Variants in TRDMT1 observed in about 807,000 individuals in gnomAD.
The protein encoded by TRDMT1 is tRNA (cytosine(38)-C(5))-methyltransferase.
In TRDMT1, 49 loss-of-function variants were observed where a neutral mutation model predicts 51.2. The ratio of observed to expected loss-of-function variants is 0.96; its 90% CI spans 0.76 to 1.21. The LOEUF (loss-of-function observed/expected upper bound fraction) is 1.21, where lower values mean the gene tolerates loss of function less well. TRDMT1 is among the 50% of genes most tolerant of loss of function. The probability of loss-of-function intolerance (pLI) is 0.00; values close to 1 mark genes in which losing one functional copy is unlikely to be tolerated. For synonymous variants in TRDMT1, 187 were observed against 164.6 expected, an observed-to-expected ratio of 1.14 and a Z score of -1.04; for missense variants, 534 against 462.3, an observed-to-expected ratio of 1.16 and a Z score of -1.42.
At chr10:17,181,079 TCACTGTGGCAATG>T (rs59006868) in intron 1 of TRDMT1, among the ~76,000 whole-genome samples, 20,770 of 152,112 alleles carry the variant, frequency 0.14, 1,502 homozygotes, top group Admixed American at 0.17. Flanking sequence ...TCAAATTTAT[TCACTGTGGCAATG>T]CACCCTGCTA....
rs1838260892 is a variant in TRDMT1 at position 17,147,876 on chromosome 10, T to C, written c.*1164A>G. The C allele has an allele frequency of 5.8e-6, 3 of 517,770 alleles. No individual in the cohort carries two copies. The highest frequency in any genetic ancestry group is 1.0e-3 in the Middle Eastern group (1 of 990). 32.1% of individuals were successfully genotyped at this position (517,770 alleles called of 1,614,324 possible). A position where few individuals can be genotyped will look rare whatever the true frequency, so the allele number is the denominator to read the frequency against. On this transcript the variant is annotated 3_prime_UTR_variant, in exon 11 of 11. Coordinates refer to ENST00000377799, the MANE Select transcript of TRDMT1 (RefSeq NM_004412.7). ...TAGGGTAATTCTATGTTGAATTTTG[T>C]GACGAACCTCCATAGCGTTTTCCAA...
At chr10:17,170,836 T>A (rs1841884386) in intron 2 of TRDMT1, among the ~76,000 whole-genome samples, 1 of 147,242 alleles carries the variant, frequency 6.8e-6, no homozygotes, top group African/African-American at 2.5e-5. Flanking sequence ...GTATATTGTA[T>A]GCTGTAGGTT....
chr10:17,174,759 T>C (rs2131520704), intron 1 of TRDMT1, 99 bp from the exon 2 acceptor site: 1 of 933,252 alleles, frequency 1.1e-6, no homozygotes, highest in Non-Finnish European at 1.7e-6. Context: ...TCCTTATTTC[T>C]TCATTTATTA....
intron 1 of TRDMT1, 93 bp from the exon 2 acceptor site, chr10:17,174,753 T>C (rs1267991090): frequency 1.0e-6 from 1 of 976,536 alleles, no homozygotes; most frequent in East Asian, 2.5e-5. Flanking sequence ...TCCATTTCCT[T>C]ATTTCTTCAT....
chr10:17,149,019 T>C lies in TRDMT1; in HGVS notation c.*21A>G. 1.3e-6 allele frequency: 2 copies of C among 1,583,092 alleles called. No individual in the cohort carries two copies. Among genetic ancestry groups the C allele is most frequent in the African/African-American group, 2.7e-5 (2 of 73,872 alleles). On this transcript the variant is annotated 3_prime_UTR_variant, in exon 11 of 11. Coordinates refer to ENST00000377799, the MANE Select transcript of TRDMT1 (RefSeq NM_004412.7). ...AAAATGAAGGAATATCATATGACCATCTTTCAGAGTTATTTCAAAATTATT... is the reference window on the plus strand; with the variant it reads ...AAAATGAAGGAATATCATATGACCACCTTTCAGAGTTATTTCAAAATTATT...
At chr10:17,196,474 G>C (rs1024490427) in intron 1 of TRDMT1, among the ~76,000 whole-genome samples, 1 of 152,168 alleles carries the variant, frequency 6.6e-6, no homozygotes, top group African/African-American at 2.4e-5. Flanking sequence ...GACCTTGCAG[G>C]CTCCACTGAT....
Position 17,143,539 on chromosome 10 carries a change from G to C in TRDMT1, c.*5501C>G. The C allele has an allele frequency of 3.0e-6, 3 of 985,374 alleles. No homozygotes were observed. The highest frequency in any genetic ancestry group is 3.6e-6 in the Non-Finnish European group (3 of 829,894). 61.0% of individuals were successfully genotyped at this position (985,374 alleles called of 1,614,324 possible). A position where few individuals can be genotyped will look rare whatever the true frequency, so the allele number is the denominator to read the frequency against. On this transcript the variant is annotated 3_prime_UTR_variant, in exon 11 of 11. Transcript: ENST00000377799. The stretch of plus-strand genomic sequence containing the variant: ...TGGACTTGTGTAAGGAACCAGCTAA[G>C]TGAGTAAAATAGCAAATATTTTAGT...
chr10:17,157,694 G>C lies in TRDMT1; in HGVS notation c.634C>G (p.Pro212Ala), dbSNP rs1382242856. 1 of 1,612,486 alleles carries C rather than the reference G, an allele frequency of 6.2e-7. No individual in the cohort carries two copies. The highest frequency in any genetic ancestry group is 8.5e-7 in the Non-Finnish European group (1 of 1,179,324). ...ENKIQEKNVE[P>A]NISFDGSIQC... ...ATGCTGCCATCAAAGCTAATATTTG[G>C]TTCAACGTTCTTTTCTTGAATTTTA... Residue 212 changes from proline to alanine, a missense_variant, in exon 8 of 11, where the codon CCA becomes GCA. Physicochemically the swap from Pro to Ala is conservative, Grantham distance 27 (BLOSUM62 -1). Coordinates refer to ENST00000377799, the MANE Select transcript of TRDMT1 (RefSeq NM_004412.7).
rs200539562 is a variant in TRDMT1, at chr10:17,149,110, C to T, written c.1106G>A (p.Arg369His). ...GFPEKITVKQ[R>H]YRLLGNSLNV... ...GAGACTATTTCCAAGTAGGCGATAA[C>T]GCTGTTTCACTGTTATCTTCTCAGG... The change falls in exon 11 of 11, where the codon CGT (arginine) becomes CAT (histidine). Residue 369 changes from arginine to histidine, a missense_variant. Coordinates refer to ENST00000377799, the MANE Select transcript of TRDMT1 (RefSeq NM_004412.7). 103 of 1,611,104 alleles carry T rather than the reference C, an allele frequency of 6.4e-5. No homozygotes were observed. Among genetic ancestry groups the T allele is most frequent in the Middle Eastern group, 1.8e-4 (1 of 5,460 alleles).
At chr10:17,151,499 G>T in intron 10 of TRDMT1, 5 of 981,990 alleles carry the variant, frequency 5.1e-6, no homozygotes, top group African/African-American at 1.7e-5. Flanking sequence ...TGGACCCAGG[G>T]TCAATAATGT....
At chr10:17,179,400 G>T (rs909779599) in intron 1 of TRDMT1, among the ~76,000 whole-genome samples, 1 of 152,024 alleles carries the variant, frequency 6.6e-6, no homozygotes, top group Non-Finnish European at 1.5e-5. Flanking sequence ...CAATTTCCAA[G>T]GGCATAAACT....
Position 17,160,364 on chromosome 10 carries a change from TC to T in TRDMT1, c.399del (p.Ile134TyrfsTer4). 6.5e-7 allele frequency: 1 copy of T among 1,542,950 alleles called. No homozygotes were observed. The highest frequency in any genetic ancestry group is 8.7e-7 in the Non-Finnish European group (1 of 1,144,638). On this transcript the variant is annotated frameshift_variant, in exon 6 of 11. Transcript: ENST00000377799. LOFTEE classifies it high-confidence loss of function. The part of the protein sequence containing the change: ...GFEVSSTRDL[L>X]IQTIENCGFQ... Reference sequence around the variant, plus strand: ...AAGCCACAATTTTCTATTGTTTGTATCAAGAGGTCTCTAAAAAGAAAAAAAA... The same window carrying T: ...AAGCCACAATTTTCTATTGTTTGTATAAGAGGTCTCTAAAAAGAAAAAAAA...
chr10:17,198,052 A>C (rs1030643652), intron 1 of TRDMT1, among the ~76,000 whole-genome samples: 10 of 152,146 alleles, frequency 6.6e-5, no homozygotes, highest in African/African-American at 2.4e-4. Context: ...AAAAGAAAGA[A>C]AAAGAAAAGA....
rs1183621806 is a variant in TRDMT1 at position 17,138,504 on chromosome 10, C to T, written c.*10536G>A. Reference sequence around the variant, plus strand: ...TCTTTTGCTCATTTCATGGGAAGTGCATTACCATGTAGGAAATTACCAAGT... The same window carrying T: ...TCTTTTGCTCATTTCATGGGAAGTGTATTACCATGTAGGAAATTACCAAGT... On this transcript the variant is annotated 3_prime_UTR_variant, in exon 11 of 11. Transcript: ENST00000377799. 6.6e-6 allele frequency among the ~76,000 whole-genome samples: 1 copy of T among 152,178 alleles called. No individual in the cohort carries two copies.
chr10:17,153,169 T>A (rs1838999638), intron 10 of TRDMT1: 1 of 410,440 alleles, frequency 2.4e-6, no homozygotes, highest in South Asian at 7.9e-5. Context: ...GTGGGGTGAT[T>A]AGGAGAGGAC....
In TRDMT1 at chr10:17,142,275, A is replaced by T. The variant is rs993396275; in HGVS notation, c.*6765T>A. On this transcript the variant is annotated 3_prime_UTR_variant, in exon 11 of 11. Transcript: ENST00000377799. ...ATTATTTTAATCTTTTATTTTTAGT[A>T]GGCAGTCACTCCATTTGTGTTTAGC... is the stretch of plus-strand genomic sequence containing the variant. The T allele has an allele frequency of 1.3e-5, 2 of 152,138 alleles. No individual in the cohort carries two copies. The highest frequency in any genetic ancestry group is 4.8e-5 in the African/African-American group (2 of 41,428). The allele number at this position is 152,138 out of a possible 1,614,324, so 9.4% of individuals were successfully genotyped here.
chr10:17,157,478 G>C lies in TRDMT1; in HGVS notation c.850C>G (p.Gln284Glu). ...LRYALLLDIV[Q>E]PTCRRSVCFT... The stretch of plus-strand genomic sequence containing the variant: ...CACACGGACCTTCTACAAGTGGGCT[G>C]AACAATGTCTAACAGAAGAGCATAT... Residue 284 changes from glutamine to glutamate, a missense_variant, in exon 8 of 11, where the codon CAG (glutamine) becomes GAG (glutamate). Gln to Glu is a conservative substitution (Grantham distance 29). Transcript: ENST00000377799. 1 of 1,613,252 alleles carries C rather than the reference G, an allele frequency of 6.2e-7. No homozygotes were observed. The highest frequency in any genetic ancestry group is 8.5e-7 in the Non-Finnish European group (1 of 1,179,258).
chr10:17,157,969 T>C (rs1278912216), intron 7 of TRDMT1, among the ~76,000 whole-genome samples, 185 bp from the exon 8 acceptor site: 1 of 152,188 alleles, frequency 6.6e-6, no homozygotes, highest in African/African-American at 2.4e-5. Flanking sequence ...TATAGCTATA[T>C]TGTCATCAGG....
chr10:17,151,757 T>C (rs1382209970), intron 10 of TRDMT1: 1 of 827,398 alleles, frequency 1.2e-6, no homozygotes, highest in Non-Finnish European at 1.5e-6. Flanking sequence ...TGGCTCATTC[T>C]AAAAATGAAA....
Sources: allele counts gnomAD v4.1 joint callset (sites outside exome capture counted in the v4.1 genomes callset), GRCh38; gene constraint gnomAD v4.1.1; transcripts MANE v1.5; gene names NCBI Gene and HGNC (gene_info 2026-07-23, HGNC 2026-07-21).